CNTNAP2: variants seen among roughly 807,000 people sequenced by gnomAD.
CNTNAP2 encodes the protein contactin-associated protein-like 2.
A neutral mutation model predicts 155.2 loss-of-function variants in CNTNAP2; 98 were observed. That is an observed-to-expected ratio of 0.63 (90% confidence interval 0.54 to 0.75). The LOEUF (loss-of-function observed/expected upper bound fraction) is 0.75. CNTNAP2 is among the 30% of genes least tolerant of loss of function. The pLI is 0.00. For synonymous variants in CNTNAP2, 651 were observed against 631.2 expected (o/e 1.03, Z -0.47); for missense variants, 1,727 against 1,688.1 (o/e 1.02, Z -0.40).
chr7:148,402,987 T>A, intron 22 of CNTNAP2, among the ~76,000 whole-genome samples: 1 of 65,544 alleles, frequency 1.5e-5, no homozygotes, highest in African/African-American at 6.9e-5. Flanking sequence ...TGAAACTTAG[T>A]AAATAAGAAC....
chr7:147,349,293 T>C (rs1410974762), intron 9 of CNTNAP2, among the ~76,000 whole-genome samples: 1 of 151,798 alleles, frequency 6.6e-6, no homozygotes, highest in Non-Finnish European at 1.5e-5. Context: ...TTTAAAAAAA[T>C]CAGAAATATT....
At chr7:147,611,662 A>G (rs1801188410) in intron 12 of CNTNAP2, among the ~76,000 whole-genome samples, 1 of 152,170 alleles carries the variant, frequency 6.6e-6, no homozygotes, top group Non-Finnish European at 1.5e-5. Flanking sequence ...AAAAATAATC[A>G]CTATTTTCCA....
At chr7:146,795,730 C>G (rs1442913057) in intron 2 of CNTNAP2, among the ~76,000 whole-genome samples, 1 of 152,178 alleles carries the variant, frequency 6.6e-6, no homozygotes, top group African/African-American at 2.4e-5. Flanking sequence ...CTTATGGATT[C>G]TAGCTATTAT....
intron 8 of CNTNAP2, among the ~76,000 whole-genome samples, chr7:147,237,023 GCCACTT>G (rs1297097561): frequency 7.2e-6 from 1 of 139,002 alleles, no homozygotes; most frequent in Non-Finnish European, 1.5e-5. Context: ...CACCTATCAT[GCCACTT>G]CCTTTAGCCT....
chr7:146,339,835 C>A (rs1390683130), intron 1 of CNTNAP2, among the ~76,000 whole-genome samples: 1 of 152,062 alleles, frequency 6.6e-6, no homozygotes, highest in African/African-American at 2.4e-5. Context: ...AAAAAAACCA[C>A]AAAACACCCT....
At chr7:146,946,270 G>C (rs893896478) in intron 3 of CNTNAP2, among the ~76,000 whole-genome samples, 1 of 151,854 alleles carries the variant, frequency 6.6e-6, no homozygotes. Flanking sequence ...AGGAAGCCTC[G>C]GAAAAGCTTT....
chr7:146,228,540 T>C (rs1799332330), intron 1 of CNTNAP2, among the ~76,000 whole-genome samples: 2 of 152,206 alleles, frequency 1.3e-5, no homozygotes, highest in Admixed American at 1.3e-4. Context: ...TATATGTATA[T>C]ATTCTTTCTA....
intron 1 of CNTNAP2, among the ~76,000 whole-genome samples, chr7:146,470,777 C>T (rs1167185053): frequency 2.0e-5 from 3 of 152,020 alleles, no homozygotes; most frequent in Non-Finnish European, 4.4e-5. Context: ...ACCATGTCGG[C>T]CAGGATGGTC....
At chr7:147,107,214 A>G (rs1280163597) in intron 4 of CNTNAP2, among the ~76,000 whole-genome samples, 1 of 152,188 alleles carries the variant, frequency 6.6e-6, no homozygotes, top group Non-Finnish European at 1.5e-5. Flanking sequence ...TGCATTTTGA[A>G]TCATTCTATG....
chr7:147,706,062 T>C (rs1380415517), intron 13 of CNTNAP2, among the ~76,000 whole-genome samples: 1 of 152,070 alleles, frequency 6.6e-6, no homozygotes, highest in Non-Finnish European at 1.5e-5. Context: ...ATTGTTAATA[T>C]ATAAAAGCTT....
At chr7:148,112,684 C>A (rs918378317) in intron 15 of CNTNAP2, among the ~76,000 whole-genome samples, 4 of 152,064 alleles carry the variant, frequency 2.6e-5, no homozygotes, top group Non-Finnish European at 4.4e-5. Flanking sequence ...TGTGAGGCAC[C>A]ATGCCAAGCT....
chr7:146,221,681 C>G (rs1165399610), intron 1 of CNTNAP2, among the ~76,000 whole-genome samples: 1 of 152,128 alleles, frequency 6.6e-6, no homozygotes, highest in Non-Finnish European at 1.5e-5. Context: ...TAGCAGATTA[C>G]TGAATGACTA....
chr7:147,028,650 G>A (rs1003616657), intron 3 of CNTNAP2, among the ~76,000 whole-genome samples: 1 of 152,126 alleles, frequency 6.6e-6, no homozygotes, highest in African/African-American at 2.4e-5. Context: ...TTATTAATCC[G>A]TTTGTCAGTA....
intron 12 of CNTNAP2, among the ~76,000 whole-genome samples, chr7:147,577,590 G>A (rs1245346823): frequency 6.6e-6 from 1 of 151,790 alleles, no homozygotes; most frequent in Non-Finnish European, 1.5e-5. Flanking sequence ...CTTCTATTGG[G>A]GTGGCAGGAG....
chr7:146,400,299 G>T (rs1795695698), intron 1 of CNTNAP2, among the ~76,000 whole-genome samples: 1 of 152,030 alleles, frequency 6.6e-6, no homozygotes, highest in African/African-American at 2.4e-5. Context: ...AGGAGGCTGG[G>T]AGACAGCAAA....
intron 21 of CNTNAP2, among the ~76,000 whole-genome samples, chr7:148,348,323 C>T (rs1242710613): frequency 2.0e-5 from 3 of 152,142 alleles, no homozygotes; most frequent in African/African-American, 7.2e-5. Flanking sequence ...ATAAGCAAAT[C>T]GTACATTTTC....
At chr7:147,983,291 T>C (rs949914172) in intron 15 of CNTNAP2, among the ~76,000 whole-genome samples, 2 of 152,114 alleles carry the variant, frequency 1.3e-5, no homozygotes, top group Admixed American at 1.3e-4. Flanking sequence ...TCAAAATTTA[T>C]TTATCTCCTT....
intron 10 of CNTNAP2, among the ~76,000 whole-genome samples, chr7:147,462,880 G>A (rs777804544): frequency 2.0e-5 from 3 of 152,136 alleles, no homozygotes; most frequent in African/African-American, 2.4e-5. Flanking sequence ...CCGGGTTCAC[G>A]TGGGATACTA....
chr7:146,749,820 A>G (rs1276798930), intron 1 of CNTNAP2, among the ~76,000 whole-genome samples: 2 of 152,200 alleles, frequency 1.3e-5, no homozygotes, highest in Non-Finnish European at 2.9e-5. Context: ...ATCTGTTTAC[A>G]TGTCTTCTCC....
Sources: allele counts gnomAD v4.1 joint callset (sites outside exome capture counted in the v4.1 genomes callset), GRCh38; gene constraint gnomAD v4.1.1; transcripts MANE v1.5; gene names NCBI Gene and HGNC (gene_info 2026-07-23, HGNC 2026-07-21).